The following GAK variants were observed in gnomAD, a reference collection of about 807,000 sequenced individuals.
GAK encodes the protein cyclin G associated kinase, also known as cyclin-G-associated kinase.
A neutral mutation model predicts 143.9 loss-of-function variants in GAK; 79 were observed. The observed-to-expected ratio is 0.55, with a 90% confidence interval of 0.46 to 0.66. The LOEUF (loss-of-function observed/expected upper bound fraction) is 0.66. Among genes scored for constraint, GAK ranks in the 30% least tolerant of loss-of-function variants. The pLI is 0.00. For missense variants in GAK, 1,693 were observed against 1,779.7 expected (o/e 0.95, Z 0.88); for synonymous variants, 881 against 765.5 (o/e 1.15, Z -2.49).
chr4:928,022 AGGGTC>A, intron 1 of GAK, among the ~76,000 whole-genome samples: 1 of 152,344 alleles, frequency 6.6e-6, no homozygotes, highest in Admixed American at 6.5e-5. Flanking sequence ...ATGTGGGAAG[AGGGTC>A]GGCTACAAGG....
In GAK at chr4:851,054, A is replaced by C. The variant is rs1432487865; in HGVS notation, c.3539T>G (p.Phe1180Cys). ...AQKPKVSEND[F>C]EDLLSNQGFS... is the part of the protein sequence containing the mutation. ...GCCTTGATTGGACAACAGATCTTCA[A>C]AGTCGTTCTCAGAGACTTTTGGCTT... Residue 1180 changes from phenylalanine (F) to cysteine (C), a missense_variant, in exon 26 of 28, where the codon TTT becomes TGT. Phe to Cys is a radical substitution (Grantham distance 205, BLOSUM62 -2). This residue lies in a region of GAK where 822 missense variants were observed against 788.7 expected (regional missense o/e 1.04). Coordinates refer to ENST00000314167, the MANE Select transcript of GAK (RefSeq NM_005255.4). 6.2e-7 allele frequency: 1 copy of C among 1,613,884 alleles called. No homozygotes were observed. Among genetic ancestry groups the C allele is most frequent in the Non-Finnish European group, 8.5e-7 (1 of 1,179,884 alleles).
Position 849,764 on chromosome 4 carries a change from T to A in GAK, c.3845A>T (p.Gln1282Leu), listed in dbSNP as rs1255782422. 1.9e-6 allele frequency: 3 copies of A among 1,612,466 alleles called. No homozygotes were observed. The highest frequency in any genetic ancestry group is 2.5e-6 in the Non-Finnish European group (3 of 1,179,296). ...LAVHPDKAAG[Q>L]PYEQHAKMIF... ...CATCTTGGCGTGCTGCTCGTACGGC[T>A]GCCCCGCAGCCTATGGGTGACAGGC... The change falls in exon 28 of 28, where the codon CAG becomes CTG. Residue 1282 changes from glutamine to leucine, a missense_variant. Gln to Leu is a moderately radical substitution (Grantham distance 113). Around this residue, in one of 2 missense-constraint regions of GAK, gnomAD observed 822 missense variants for 788.7 expected, o/e 1.04. Transcript: ENST00000314167.
chr4:850,980 T>A lies in GAK; in HGVS notation c.3613A>T (p.Arg1205Trp). The A allele has an allele frequency of 3.1e-6, 5 of 1,614,060 alleles. No homozygotes were observed. Among genetic ancestry groups the A allele is most frequent in the Non-Finnish European group, 4.2e-6 (5 of 1,179,946 alleles). Residue 1205 changes from arginine (R) to tryptophan (W), a missense_variant, in exon 26 of 28, where the codon AGG (arginine) becomes TGG (tryptophan). Physicochemically the swap from Arg to Trp is moderately radical, Grantham distance 101. Transcript: ENST00000314167. ...GTGTCTTTAGCCAGGTCCTGCTTCC[T>A]CATCTCTGCAATGGTCTTTGGCCCT... is the stretch of plus-strand genomic sequence containing the variant. Reference protein sequence around the residue: ...KKGPKTIAEMRKQDLAKDTDP... With the variant: ...KKGPKTIAEMWKQDLAKDTDP...
At chr4:931,911 C>A in intron 1 of GAK, 132 bp downstream of exon 1, 2 of 706,598 alleles carry the variant, frequency 2.8e-6, no homozygotes, top group Admixed American at 2.4e-5. Flanking sequence ...CCCTGGCCGA[C>A]CCTGACCCAC....
At chr4:902,035 C>T (rs766448386) in intron 5 of GAK, among the ~76,000 whole-genome samples, 19 of 152,128 alleles carry the variant, frequency 1.2e-4, no homozygotes, top group Non-Finnish European at 2.2e-4. Context: ...GTCAGGAGTT[C>T]GAAACCAGCC....
intron 11 of GAK, among the ~76,000 whole-genome samples, chr4:884,909 G>A (rs1327143194): frequency 1.3e-5 from 2 of 152,232 alleles, no homozygotes; most frequent in Non-Finnish European, 2.9e-5. Flanking sequence ...CCAGAGAGAT[G>A]AATGACCCAA....
intron 4 of GAK, among the ~76,000 whole-genome samples, chr4:911,277 T>C (rs1383406735): frequency 6.6e-6 from 1 of 151,604 alleles, no homozygotes; most frequent in Non-Finnish European, 1.5e-5. Context: ...ACACCGCTCA[T>C]GGAAGGCCAC....
chr4:891,707 A>G (rs1049095894), intron 9 of GAK, among the ~76,000 whole-genome samples: 4 of 151,942 alleles, frequency 2.6e-5, no homozygotes, highest in African/African-American at 9.7e-5. Flanking sequence ...CAAGAGGCCC[A>G]CACCCCCCTG....
intron 5 of GAK, 34 bp from the exon 6 acceptor site, chr4:898,192 G>T (rs779986366): frequency 1.9e-6 from 3 of 1,610,244 alleles, no homozygotes; most frequent in South Asian, 2.2e-5. Flanking sequence ...CCGTGAACTT[G>T]GCGTAGACAG....
At chr4:915,171 A>C (rs1184289835) in intron 1 of GAK, among the ~76,000 whole-genome samples, 9 of 132,970 alleles carry the variant, frequency 6.8e-5, no homozygotes, top group Non-Finnish European at 1.1e-4. Context: ...ACACGGCCCC[A>C]CACACACAGC....
chr4:925,977 A>C (rs6822424), intron 1 of GAK, among the ~76,000 whole-genome samples: 85,950 of 151,514 alleles, frequency 0.57, 24,883 homozygotes, highest in South Asian at 0.67. Flanking sequence ...GGCCCAGCCC[A>C]ACTGTCACCT....
intron 5 of GAK, among the ~76,000 whole-genome samples, chr4:899,074 G>A (rs1176147256): frequency 1.3e-5 from 2 of 152,102 alleles, no homozygotes. Flanking sequence ...CAGTGCTCAC[G>A]CCCCACACAA....
chr4:850,298 C>T (rs1747892270), intron 26 of GAK: 1 of 443,716 alleles, frequency 2.3e-6, no homozygotes, highest in African/African-American at 2.0e-5. Context: ...CCAGAGGGAC[C>T]CTCGTCTCAG....
chr4:862,457 G>A (rs1007757597), intron 23 of GAK, among the ~76,000 whole-genome samples: 2 of 152,114 alleles, frequency 1.3e-5, no homozygotes, highest in Non-Finnish European at 2.9e-5. Flanking sequence ...TCAGGAGATC[G>A]AGACCATCCT....
chr4:885,491 C>G (rs1052090382), intron 11 of GAK, among the ~76,000 whole-genome samples: 2 of 152,188 alleles, frequency 1.3e-5, no homozygotes, highest in African/African-American at 2.4e-5. Context: ...CCACAGGATC[C>G]ACGCACATCT....
chr4:877,573 T>A lies in GAK; in HGVS notation c.1856+42A>T, dbSNP rs371688971. Reference sequence around the variant, plus strand: ...CCTCTTTAACGGTTTTCCGGAGGGGTGAGGAGGAGGGAGCACAGCGTGGGG... The same window carrying A: ...CCTCTTTAACGGTTTTCCGGAGGGGAGAGGAGGAGGGAGCACAGCGTGGGG... On this transcript the variant is annotated intron_variant, in intron 16 of 27. Transcript: ENST00000314167. 4,226 of 1,522,096 alleles carry A rather than the reference T, an allele frequency of 2.8e-3. 164 individuals are homozygous for A. In the South Asian group the frequency reaches 0.05, roughly 18 times the overall value. 94.3% of individuals were successfully genotyped at this position (1,522,096 alleles called of 1,614,324 possible).
chr4:896,424 A>G (rs1199686646), intron 7 of GAK, 36 bp downstream of exon 7: 1 of 1,572,786 alleles, frequency 6.4e-7, no homozygotes, highest in Non-Finnish European at 8.7e-7. Context: ...GGGCGCACGG[A>G]GCCAGGCACT....
In GAK at chr4:870,757, G is replaced by T. The variant is rs1363814733; in HGVS notation, c.2202C>A (p.Ile734=). ...NSSMRGLNPK[I]LFSSREEQQD... is the part of the protein sequence containing the mutation. ...GCTGCTCCTCCCGGCTGGAAAACAG[G>T]ATTTTGGGGTTCAGCCCCCTCATGC... Residue 734 remains isoleucine (I), a synonymous_variant, in exon 19 of 28, where the codon ATC becomes ATA. Transcript: ENST00000314167. 2 of 1,614,038 alleles carry T rather than the reference G, an allele frequency of 1.2e-6. No individual in the cohort carries two copies. Among genetic ancestry groups the T allele is most frequent in the Non-Finnish European group, 1.7e-6 (2 of 1,180,008 alleles).
chr4:889,062 G>A, intron 10 of GAK, 92 bp from the exon 11 acceptor site: 1 of 1,405,566 alleles, frequency 7.1e-7, no homozygotes, highest in Non-Finnish European at 9.4e-7. Flanking sequence ...CCAGGCGCTC[G>A]GTCCCACCTC....
Sources: gnomAD v4.1 joint callset for allele counts (sites outside exome capture counted in the v4.1 genomes callset) on GRCh38, gnomAD v4.1.1 for gene constraint, gnomAD v4.1.1 regional missense constraint, MANE v1.5 for transcripts, NCBI Gene and HGNC (gene_info 2026-07-23, HGNC 2026-07-21) for gene names.